Variants in ME3 observed in about 807,000 individuals in gnomAD.
ME3 encodes malic enzyme 3, also known as NADP-dependent malic enzyme, mitochondrial.
A neutral mutation model predicts 68.9 loss-of-function variants in ME3; 48 were observed. That is an observed-to-expected ratio of 0.70 (90% CI 0.55 to 0.89). The LOEUF (loss-of-function observed/expected upper bound fraction) is 0.89, where lower values mean the gene tolerates loss of function less well. Among genes scored for constraint, ME3 ranks in the 40% least tolerant of loss-of-function variants. The probability of loss-of-function intolerance (pLI) is 0.00; values close to 1 mark genes in which losing one functional copy is unlikely to be tolerated. For synonymous variants in ME3, 320 were observed against 318.8 expected (o/e 1.00, Z -0.04); for missense variants, 675 against 797.4 (o/e 0.85, Z 1.85).
chr11:86,532,216 A>G (rs1382634322), intron 4 of ME3, among the ~76,000 whole-genome samples: 2 of 152,314 alleles, frequency 1.3e-5, no homozygotes, highest in East Asian at 3.9e-4. Context: ...TGGAGAACTT[A>G]AATATATAAA....
At chr11:86,455,542 C>G (rs113986670) in intron 8 of ME3, among the ~76,000 whole-genome samples, 1 of 152,202 alleles carries the variant, frequency 6.6e-6, no homozygotes, top group African/African-American at 2.4e-5. Context: ...TCAGTATCAA[C>G]CTACCTCTGC....
downstream of ME3, among the ~76,000 whole-genome samples, chr11:86,440,222 G>T (rs1237802760): frequency 1.3e-5 from 2 of 152,190 alleles, no homozygotes; most frequent in Non-Finnish European, 2.9e-5. Context: ...ATTAGAGGCA[G>T]GAAGCTGCCA....
At chr11:86,606,642 G>A (rs1438864771) in intron 2 of ME3, among the ~76,000 whole-genome samples, 3 of 152,162 alleles carry the variant, frequency 2.0e-5, no homozygotes, top group Non-Finnish European at 4.4e-5. Flanking sequence ...TCTTACATGG[G>A]CATAATGGGA....
intron 2 of ME3, among the ~76,000 whole-genome samples, chr11:86,668,959 T>C (rs1034185022): frequency 1.3e-5 from 2 of 152,218 alleles, no homozygotes; most frequent in South Asian, 2.1e-4. Flanking sequence ...AAGCACAGCA[T>C]TGAAGACTCT....
intron 10 of ME3, among the ~76,000 whole-genome samples, chr11:86,449,521 G>A (rs1418881205): frequency 6.6e-6 from 1 of 152,210 alleles, no homozygotes; most frequent in Non-Finnish European, 1.5e-5. Context: ...AGGGGTTAAG[G>A]GTTGAGAGTT....
chr11:86,578,786 A>C (rs1164350479), intron 2 of ME3, among the ~76,000 whole-genome samples: 1 of 152,112 alleles, frequency 6.6e-6, no homozygotes, highest in Non-Finnish European at 1.5e-5. Flanking sequence ...ATTTGTAACA[A>C]CTGTTTACAC....
chr11:86,472,442 C>A (rs1331049452), intron 7 of ME3, among the ~76,000 whole-genome samples: 2 of 152,164 alleles, frequency 1.3e-5, no homozygotes, highest in African/African-American at 2.4e-5. Context: ...AGGCATGGAA[C>A]TGCAGTGAGA....
chr11:86,614,280 A>G (rs1423898509), intron 2 of ME3, among the ~76,000 whole-genome samples: 1 of 152,210 alleles, frequency 6.6e-6, no homozygotes, highest in Non-Finnish European at 1.5e-5. Context: ...GGCTGATTCC[A>G]AAGACTATTA....
intron 2 of ME3, among the ~76,000 whole-genome samples, chr11:86,591,675 C>G (rs897109784): frequency 6.6e-6 from 1 of 152,164 alleles, no homozygotes; most frequent in Non-Finnish European, 1.5e-5. Flanking sequence ...TTCCACATGG[C>G]TGGGGAGGCC....
intron 2 of ME3, among the ~76,000 whole-genome samples, chr11:86,659,379 CA>C (rs1229236019): frequency 6.6e-6 from 1 of 152,184 alleles, no homozygotes; most frequent in Non-Finnish European, 1.5e-5. Flanking sequence ...GTAGAAGAGA[CA>C]GACATCACTC....
rs768008081 is a variant in ME3, at chr11:86,671,832, G to A, written c.113C>T (p.Pro38Leu). The A allele has an allele frequency of 1.9e-5, 31 of 1,594,102 alleles. No individual in the cohort carries two copies. The highest frequency in any genetic ancestry group is 2.4e-5 in the Non-Finnish European group (28 of 1,172,812). Residue 38 changes from proline to leucine, a missense_variant, in exon 2 of 15, where the codon CCT (proline) becomes CTT (leucine). Physicochemically the swap from Pro to Leu is moderately conservative, Grantham distance 98. Coordinates refer to ENST00000543262, the Ensembl canonical transcript of ME3. ...CAGGGGCACAGGGCGCGCCGGGCCA[G>A]GCTTGGAGTGGCAGCCTTGGGCGGG...
chr11:86,650,759 G>A (rs967576574), intron 2 of ME3, among the ~76,000 whole-genome samples: 3 of 152,164 alleles, frequency 2.0e-5, no homozygotes, highest in Non-Finnish European at 4.4e-5. Flanking sequence ...AGGACAGTGG[G>A]TGCAGCACAC....
In ME3 at chr11:86,521,431, A is replaced by ATAATAATAATAATAATAATAAT. The variant is rs1555221577; in HGVS notation, c.468-12565_468-12564insATTATTATTATTATTATTATTA. On this transcript the variant is annotated intron_variant, in intron 4 of 14. Coordinates refer to ENST00000543262, the Ensembl canonical transcript of ME3. ...AACAAAACAAAACAAAACAAAACAA[A>ATAATAATAATAATAATAATAAT]AATAATAATAATAATAATAATAAAA... 6.0e-3 allele frequency among the ~76,000 whole-genome samples: 868 copies of ATAATAATAATAATAATAATAAT among 145,864 alleles called. 4 individuals are homozygous for ATAATAATAATAATAATAATAAT. Among genetic ancestry groups the ATAATAATAATAATAATAATAAT allele is most frequent in the Non-Finnish European group, 7.2e-3 (483 of 66,648 alleles).
chr11:86,540,472 G>A (rs1186217775), intron 4 of ME3, among the ~76,000 whole-genome samples: 2 of 152,126 alleles, frequency 1.3e-5, no homozygotes, highest in Non-Finnish European at 2.9e-5. Context: ...TAGGGGTTTG[G>A]TATGACACAC....
chr11:86,465,302 T>G, intron 7 of ME3, 102 bp from the exon 8 acceptor site: 30 of 748,100 alleles, frequency 4.0e-5, no homozygotes, highest in East Asian at 8.9e-5. Context: ...GGCCTGGGGG[T>G]GGGAGGTGGC....
At chr11:86,586,469 A>T (rs1471443218) in intron 2 of ME3, among the ~76,000 whole-genome samples, 1 of 152,152 alleles carries the variant, frequency 6.6e-6, no homozygotes, top group Non-Finnish European at 1.5e-5. Flanking sequence ...TGACTCTGGG[A>T]GAAGCTGAGG....
intron 14 of ME3, among the ~76,000 whole-genome samples, chr11:86,441,870 T>C (rs1949013118): frequency 6.6e-6 from 1 of 152,162 alleles, no homozygotes; most frequent in Non-Finnish European, 1.5e-5. Context: ...ATGAACAGCC[T>C]GGACACTGTT....
At chr11:86,597,305 G>A (rs1959658050) in intron 2 of ME3, among the ~76,000 whole-genome samples, 1 of 152,264 alleles carries the variant, frequency 6.6e-6, no homozygotes, top group African/African-American at 2.4e-5. Context: ...CTGGCCCAGA[G>A]TTCCTTACAG....
chr11:86,638,890 G>A (rs67112634), intron 2 of ME3, among the ~76,000 whole-genome samples: 25,606 of 152,030 alleles, frequency 0.17, 2,261 homozygotes, highest in Non-Finnish European at 0.19. Flanking sequence ...CCCCCGACTT[G>A]CCTCCTCATC....
Sources: allele counts gnomAD v4.1 joint callset (sites outside exome capture counted in the v4.1 genomes callset), GRCh38; gene constraint gnomAD v4.1.1; transcripts MANE v1.5; gene names NCBI Gene and HGNC (gene_info 2026-07-23, HGNC 2026-07-21).